Variants in GRK3 observed in about 807,000 individuals in gnomAD.
GRK3 encodes the protein G protein-coupled receptor kinase 3.
In GRK3, 54 loss-of-function variants were observed where a neutral mutation model predicts 95.7. The observed-to-expected ratio is 0.56, with a 90% CI of 0.45 to 0.71. The LOEUF is 0.71. GRK3 is among the 30% of genes least tolerant of loss of function. The pLI is 0.00. For synonymous variants in GRK3, 281 were observed against 290.8 expected, an observed-to-expected ratio of 0.97 and a Z score of 0.34; for missense variants, 649 against 851.2, an observed-to-expected ratio of 0.76 and a Z score of 2.96.
intron 12 of GRK3, among the ~76,000 whole-genome samples, chr22:25,692,841 G>A (rs2085175917): frequency 6.6e-6 from 1 of 152,196 alleles, no homozygotes; most frequent in Non-Finnish European, 1.5e-5. Flanking sequence ...TGAACTCCCT[G>A]AGGCTTTGGC....
At chr22:25,713,924 AC>A (rs1435755467) in intron 17 of GRK3, among the ~76,000 whole-genome samples, 1 of 152,190 alleles carries the variant, frequency 6.6e-6, no homozygotes, top group East Asian at 1.9e-4. Flanking sequence ...AGCTTCATTT[AC>A]CTTTTGTTTT....
chr22:25,683,487 A>G (rs944823140), intron 9 of GRK3, among the ~76,000 whole-genome samples: 1 of 152,222 alleles, frequency 6.6e-6, no homozygotes, highest in Non-Finnish European at 1.5e-5. Flanking sequence ...TTCGTTGTAC[A>G]CTTCCAGTGG....
chr22:25,714,144 A>G (rs1416214655), intron 17 of GRK3, among the ~76,000 whole-genome samples: 2 of 152,218 alleles, frequency 1.3e-5, no homozygotes, highest in African/African-American at 4.8e-5. Context: ...TGTCATGAAG[A>G]TAGTATACAA....
chr22:25,723,548 G>A lies in GRK3; in HGVS notation c.*1098G>A, dbSNP rs2085450880. Reference sequence around the variant, plus strand: ...TACGACAGTGAGGACCTTAGGGCATGAAGCCTTTTTCCTGGTCCCAGCAGC... The same window carrying A: ...TACGACAGTGAGGACCTTAGGGCATAAAGCCTTTTTCCTGGTCCCAGCAGC... On this transcript the variant is annotated 3_prime_UTR_variant, in exon 21 of 21. Coordinates refer to ENST00000324198, the MANE Select transcript of GRK3 (RefSeq NM_005160.4). 1 of 152,192 alleles carries A rather than the reference G, an allele frequency of 6.6e-6. No homozygotes were observed. Among genetic ancestry groups the A allele is most frequent in the South Asian group, 2.1e-4 (1 of 4,822 alleles). The allele number at this position is 152,192 out of a possible 1,614,324, so 9.4% of individuals were successfully genotyped here.
At chr22:25,678,369 G>T (rs1453695171) in intron 8 of GRK3, among the ~76,000 whole-genome samples, 1 of 152,150 alleles carries the variant, frequency 6.6e-6, no homozygotes, top group Non-Finnish European at 1.5e-5. Context: ...ACAGGAGAAT[G>T]GTGTGAACCC....
At chr22:25,629,493 G>A (rs1216756504) in intron 2 of GRK3, among the ~76,000 whole-genome samples, 1 of 152,234 alleles carries the variant, frequency 6.6e-6, no homozygotes, top group African/African-American at 2.4e-5. Context: ...TCAGAAAAGT[G>A]GGGTGTGTCC....
chr22:25,605,998 C>T (rs1032953631), intron 2 of GRK3, among the ~76,000 whole-genome samples: 7 of 152,124 alleles, frequency 4.6e-5, no homozygotes, highest in African/African-American at 1.7e-4. Flanking sequence ...TTCTGTAGCT[C>T]CTTTCCTGTC....
chr22:25,616,068 G>T lies in GRK3; in HGVS notation c.190+11615G>T, dbSNP rs371297519. Among the ~76,000 whole-genome samples the T allele has an allele frequency of 1.5e-3, 224 of 151,160 alleles. 4 individuals are homozygous for T. The East Asian group carries it at 0.033, about 22-fold the overall frequency. ...GCCAGGCCCTTGAGGCCCTTGTGAG[G>T]GTTTCTGCTCTTACCCAGAGTGAGG... On this transcript the variant is annotated intron_variant, in intron 2 of 20. Transcript: ENST00000324198.
At chr22:25,566,926 A>G (rs1281714821) in intron 1 of GRK3, among the ~76,000 whole-genome samples, 2 of 151,702 alleles carry the variant, frequency 1.3e-5, no homozygotes, top group African/African-American at 4.9e-5. Flanking sequence ...CTAGTATATA[A>G]TATTAATAAA....
intron 2 of GRK3, among the ~76,000 whole-genome samples, chr22:25,634,977 G>A (rs2084689128): frequency 6.6e-6 from 1 of 152,128 alleles, no homozygotes. Context: ...ACTCAGAAAA[G>A]TCGTAAGAAT....
intron 1 of GRK3, among the ~76,000 whole-genome samples, chr22:25,597,224 C>T (rs141433816): frequency 5.1e-4 from 77 of 151,158 alleles, no homozygotes; most frequent in African/African-American, 1.7e-3. Flanking sequence ...GAGAAAGAGC[C>T]GACTAAAAAA....
intron 3 of GRK3, chr22:25,647,208 C>T (rs543853344): frequency 7.3e-5 from 18 of 246,024 alleles, no homozygotes; most frequent in African/African-American, 3.0e-4. Context: ...TCCCACCACC[C>T]GGAGCTGCAG....
chr22:25,703,430 C>G, intron 13 of GRK3, 80 bp from the exon 14 acceptor site: 1 of 1,097,734 alleles, frequency 9.1e-7, no homozygotes, highest in Non-Finnish European at 1.4e-6. Flanking sequence ...GGACATCATA[C>G]TTTACCCAAA....
intron 1 of GRK3, among the ~76,000 whole-genome samples, chr22:25,574,655 G>A (rs918778144): frequency 1.3e-5 from 2 of 152,128 alleles, no homozygotes; most frequent in African/African-American, 2.4e-5. Flanking sequence ...TGGTGGTGGC[G>A]GGGTCTATTC....
At chr22:25,574,380 T>A (rs1319441904) in intron 1 of GRK3, among the ~76,000 whole-genome samples, 1 of 152,092 alleles carries the variant, frequency 6.6e-6, no homozygotes, top group Non-Finnish European at 1.5e-5. Context: ...CAACTCCAGC[T>A]ACTCAGGAAG....
intron 16 of GRK3, among the ~76,000 whole-genome samples, chr22:25,710,474 C>T (rs2085335487): frequency 6.6e-6 from 1 of 152,098 alleles, no homozygotes; most frequent in Non-Finnish European, 1.5e-5. Flanking sequence ...TTATTTTAAG[C>T]TTCATTATAT....
chr22:25,636,527 G>A (rs721217), intron 2 of GRK3, among the ~76,000 whole-genome samples: 3,011 of 152,256 alleles, frequency 0.02, 45 homozygotes, highest in Non-Finnish European at 0.028. Context: ...TCATACTGCT[G>A]TGAAAGCAAA....
intron 2 of GRK3, among the ~76,000 whole-genome samples, chr22:25,610,999 T>C (rs1229669981): frequency 1.3e-5 from 2 of 152,074 alleles, no homozygotes; most frequent in Non-Finnish European, 2.9e-5. Flanking sequence ...GTAGCTGGGA[T>C]TACAGGTGCA....
intron 2 of GRK3, among the ~76,000 whole-genome samples, chr22:25,622,803 G>C (rs902778460): frequency 4.6e-5 from 7 of 152,142 alleles, no homozygotes; most frequent in African/African-American, 7.2e-5. Flanking sequence ...AAGAATGGGT[G>C]GCCTGGGACA....
Sources: allele counts gnomAD v4.1 joint callset (sites outside exome capture counted in the v4.1 genomes callset), GRCh38; gene constraint gnomAD v4.1.1; transcripts MANE v1.5; gene names NCBI Gene and HGNC (gene_info 2026-07-23, HGNC 2026-07-21).